The following TNS1 variants were observed in gnomAD, a reference collection of about 807,000 sequenced individuals.
TNS1 encodes the protein tensin-1.
TNS1 carries 62 observed loss-of-function variants against 168.6 expected under a neutral mutation model. That is an observed-to-expected ratio of 0.37 (90% CI 0.30 to 0.45). TNS1 has a LOEUF of 0.45. Ranked by LOEUF, TNS1 falls within the 20% of genes least tolerant of loss-of-function variation. TNS1 has a pLI of 1.00. For synonymous variants in TNS1, 934 were observed against 933.2 expected, an observed-to-expected ratio of 1.00 and a Z score of -0.02; for missense variants, 2,240 against 2,339.4, an observed-to-expected ratio of 0.96 and a Z score of 0.88.
rs1231197789 is a variant in TNS1 at position 217,886,560 on chromosome 2, C to T, written c.953G>A (p.Gly318Asp). The T allele has an allele frequency of 3.1e-6, 5 of 1,603,158 alleles. No homozygotes were observed. Among genetic ancestry groups the T allele is most frequent in the South Asian group, 1.1e-5 (1 of 88,144 alleles). The change falls in exon 13 of 33, where the codon GGC becomes GAC. Residue 318 changes from glycine (G) to aspartate (D), a missense_variant. Around this residue, in one of 2 missense-constraint regions of TNS1, gnomAD observed 2,131 missense variants for 2,171.2 expected, o/e 0.98. Transcript: ENST00000682258. ...TCCTTTAGACTCAAAGTTGGGGATG[C>T]CGTGCATGATCACGTGGTGCAGAAA... Reference protein sequence around the residue: ...PLFLHHVIMHGIPNFESKGGC... With the variant: ...PLFLHHVIMHDIPNFESKGGC...
chr2:217,852,960 G>A (rs1261078414), intron 18 of TNS1, among the ~76,000 whole-genome samples: 1 of 152,102 alleles, frequency 6.6e-6, no homozygotes, highest in Non-Finnish European at 1.5e-5. Context: ...GCTGATCCCA[G>A]GCCTGTCCAG....
intron 22 of TNS1, among the ~76,000 whole-genome samples, chr2:217,827,939 C>T (rs1211643480): frequency 6.6e-6 from 1 of 152,234 alleles, no homozygotes; most frequent in Non-Finnish European, 1.5e-5. Flanking sequence ...CACCCCATGG[C>T]CCTTCCCACT....
intron 14 of TNS1, 85 bp downstream of exon 14, chr2:217,885,959 T>C: frequency 1.3e-6 from 2 of 1,570,104 alleles, no homozygotes; most frequent in Non-Finnish European, 1.8e-6. Flanking sequence ...CTTGAGAATA[T>C]TCTCTCCTCT....
In TNS1 at chr2:217,934,825, C is replaced by T. The variant is rs114327782; in HGVS notation, c.187-14589G>A. Among the ~76,000 whole-genome samples the T allele has an allele frequency of 1.4e-3, 220 of 152,302 alleles. 4 individuals are homozygous for T. The highest frequency in any genetic ancestry group is 4.9e-3 in the African/African-American group (202 of 41,572). ...GATGCCTGAAGAGCCAACAGGATCC[C>T]ACCTCGATGCTGGACAGCTCTGCCA... is the stretch of plus-strand genomic sequence containing the variant. On this transcript the variant is annotated intron_variant, in intron 3 of 32. Coordinates refer to ENST00000682258, the MANE Select transcript of TNS1 (RefSeq NM_001387777.1).
At chr2:217,853,087 C>A (rs1947714656) in intron 18 of TNS1, among the ~76,000 whole-genome samples, 1 of 152,146 alleles carries the variant, frequency 6.6e-6, no homozygotes, top group African/African-American at 2.4e-5. Context: ...CCGGCACACA[C>A]ACTCTCATCA....
chr2:217,851,467 A>ACACACACG (rs1947480888), intron 18 of TNS1, among the ~76,000 whole-genome samples: 1 of 151,470 alleles, frequency 6.6e-6, no homozygotes, highest in South Asian at 2.1e-4. Flanking sequence ...ACACACACAC[A>ACACACACG]CACACACCCC....
Position 217,822,115 on chromosome 2 carries a change from C to A in TNS1, c.3374-177G>T, listed in dbSNP as rs530807766. Among the ~76,000 whole-genome samples, 15 of 152,296 alleles carry A rather than the reference C, an allele frequency of 9.8e-5. No individual in the cohort carries two copies. In the East Asian group the frequency reaches 2.7e-3, roughly 27 times the overall value. On this transcript the variant is annotated intron_variant, in intron 22 of 32. Coordinates refer to ENST00000682258, the MANE Select transcript of TNS1 (RefSeq NM_001387777.1). ...CAGACCCACCCTGCCCTGCAGTGAC[C>A]TTTCACCAGGGCCTTGCTCAGAGGA...
intron 18 of TNS1, among the ~76,000 whole-genome samples, chr2:217,873,528 A>G (rs1054802943): frequency 1.3e-5 from 2 of 152,132 alleles, no homozygotes; most frequent in Admixed American, 1.3e-4. Context: ...GGGGGCCAGG[A>G]GTGCTGACTT....
chr2:217,885,725 C>G lies in TNS1; in HGVS notation c.1116+19G>C. ...GAAAATAAACAAGGATGGGGCTTGA[C>G]ACAGAGGACAGCACTCACCAAGATG... is the stretch of plus-strand genomic sequence containing the variant. On this transcript the variant is annotated intron_variant, in intron 15 of 32. Transcript: ENST00000682258. The G allele has an allele frequency of 6.4e-7, 1 of 1,559,024 alleles. No homozygotes were observed. Among genetic ancestry groups the G allele is most frequent in the Non-Finnish European group, 8.6e-7 (1 of 1,168,628 alleles).
At chr2:217,858,150 C>T (rs1948377612) in intron 18 of TNS1, among the ~76,000 whole-genome samples, 2 of 152,168 alleles carry the variant, frequency 1.3e-5, no homozygotes, top group African/African-American at 4.8e-5. Context: ...CTCTGCCAAC[C>T]CCATTCGCGC....
At chr2:217,979,380 C>G (rs1957982312) in intron 2 of TNS1, among the ~76,000 whole-genome samples, 1 of 152,092 alleles carries the variant, frequency 6.6e-6, no homozygotes, top group African/African-American at 2.4e-5. Flanking sequence ...CTCACACACA[C>G]AGATTCATCC....
intron 6 of TNS1, among the ~76,000 whole-genome samples, chr2:217,901,068 G>A (rs547672806): frequency 6.6e-6 from 1 of 152,270 alleles, no homozygotes; most frequent in South Asian, 2.1e-4. Context: ...ATGCTCCTGA[G>A]GGCCCACTCC....
intron 3 of TNS1, among the ~76,000 whole-genome samples, chr2:217,956,339 G>A (rs1957361817): frequency 6.6e-6 from 1 of 152,142 alleles, no homozygotes; most frequent in South Asian, 2.1e-4. Flanking sequence ...AGGGTGAAGG[G>A]CTGAGACCTG....
intron 1 of TNS1, among the ~76,000 whole-genome samples, chr2:218,019,228 G>A (rs766707552): frequency 4.6e-5 from 7 of 152,222 alleles, no homozygotes; most frequent in Non-Finnish European, 8.8e-5. Flanking sequence ...GAGGGACTGG[G>A]AGAGAGAAGA....
At chr2:217,961,471 T>C (rs1957495464) in intron 3 of TNS1, among the ~76,000 whole-genome samples, 1 of 152,074 alleles carries the variant, frequency 6.6e-6, no homozygotes, top group Non-Finnish European at 1.5e-5. Flanking sequence ...GTCCTGAAAG[T>C]ACCTGAAGCC....
chr2:217,841,951 C>T (rs376684542), intron 19 of TNS1: 12 of 637,780 alleles, frequency 1.9e-5, no homozygotes, highest in African/African-American at 1.1e-4. Context: ...GTTATCCTTT[C>T]CTTGCCCCTT....
intron 3 of TNS1, among the ~76,000 whole-genome samples, chr2:217,922,035 G>T (rs752384184): frequency 1.2e-4 from 19 of 152,190 alleles, no homozygotes; most frequent in Admixed American, 2.6e-4. Context: ...GACACAGGGG[G>T]AACAGAACTG....
chr2:217,867,766 C>T (rs1269074659), intron 18 of TNS1, among the ~76,000 whole-genome samples: 1 of 152,248 alleles, frequency 6.6e-6, no homozygotes, highest in Non-Finnish European at 1.5e-5. Context: ...CTGGAATGCT[C>T]TTCTCCAGAT....
chr2:217,994,297 T>G (rs1958430016), intron 1 of TNS1, among the ~76,000 whole-genome samples: 1 of 152,050 alleles, frequency 6.6e-6, no homozygotes, highest in South Asian at 2.1e-4. Context: ...GCCACAAACA[T>G]TCCAGGGTGG....
Sources: allele counts gnomAD v4.1 joint callset (sites outside exome capture counted in the v4.1 genomes callset), GRCh38; gene constraint gnomAD v4.1.1; regional missense constraint gnomAD v4.1.1; transcripts MANE v1.5; gene names NCBI Gene and HGNC (gene_info 2026-07-23, HGNC 2026-07-21).